Variants in ADD3 observed in about 807,000 individuals in gnomAD.
The protein encoded by ADD3 is gamma-adducin.
A neutral mutation model predicts 80.2 loss-of-function variants in ADD3; 25 were observed. The observed-to-expected ratio is 0.31, with a 90% CI of 0.23 to 0.44. ADD3 has a LOEUF of 0.44. Ranked by LOEUF, ADD3 falls within the 20% of genes least tolerant of loss-of-function variation. The pLI is 1.00. For missense variants in ADD3, 829 were observed against 847.5 expected, an observed-to-expected ratio of 0.98 and a Z score of 0.27; for synonymous variants, 284 against 289.6, an observed-to-expected ratio of 0.98 and a Z score of 0.20.
At chr10:110,130,556 A>G (rs1424105652) in intron 13 of ADD3, 70 bp downstream of exon 13, 1 of 1,540,142 alleles carries the variant, frequency 6.5e-7, no homozygotes, top group Non-Finnish European at 8.8e-7. Context: ...ACGTTGGATG[A>G]TAGAAAGCAG....
intron 11 of ADD3, 78 bp downstream of exon 11, chr10:110,126,023 A>C (rs2134188483): frequency 7.1e-7 from 1 of 1,418,046 alleles, no homozygotes; most frequent in Non-Finnish European, 9.6e-7. Flanking sequence ...GAATCTGGTT[A>C]ATGCCAAACT....
intron 8 of ADD3, 44 bp from the exon 9 acceptor site, chr10:110,122,066 T>G (rs1190337582): frequency 1.3e-6 from 2 of 1,532,102 alleles, no homozygotes; most frequent in African/African-American, 1.4e-5. Flanking sequence ...CTCATTACAG[T>G]CTTTATAGTT....
At chr10:110,123,811 T>TTGG in intron 9 of ADD3, 1 of 552,146 alleles carries the variant, frequency 1.8e-6, no homozygotes, top group South Asian at 2.3e-5. Context: ...CAATATCAGC[T>TTGG]GTTATCAGCT....
In ADD3 at chr10:110,100,648, TAAAAC is replaced by T; in HGVS notation, c.-4_1del. ...AGATAACAAGAGTAATCCACAGACT[TAAAAC>T]ATGAGCTCAGATGCCAGCCAAGGCG... is the stretch of plus-strand genomic sequence containing the variant. On this transcript the variant is annotated 5_prime_UTR_variant, in exon 2 of 15. Transcript: ENST00000356080. 1 of 1,598,004 alleles carries T rather than the reference TAAAAC, an allele frequency of 6.3e-7. No individual in the cohort carries two copies. Among genetic ancestry groups the T allele is most frequent in the Non-Finnish European group, 8.5e-7 (1 of 1,173,654 alleles).
intron 1 of ADD3, among the ~76,000 whole-genome samples, chr10:109,999,648 A>G (rs531475821): frequency 6.6e-6 from 1 of 152,242 alleles, no homozygotes; most frequent in African/African-American, 2.4e-5. Flanking sequence ...TAAATGTAGT[A>G]TAAACTTCAA....
At chr10:110,004,018 T>C (rs925393886), upstream of ADD3, among the ~76,000 whole-genome samples, 2 of 152,288 alleles carry the variant, frequency 1.3e-5, no homozygotes, top group Admixed American at 6.5e-5. Flanking sequence ...GAGACTGTGC[T>C]GAGCACTTTG....
intron 1 of ADD3, among the ~76,000 whole-genome samples, chr10:110,041,156 A>T (rs1009581517): frequency 6.6e-6 from 1 of 152,352 alleles, no homozygotes; most frequent in Admixed American, 6.5e-5. Context: ...AGCAGACCAC[A>T]GCAGGAGATT....
At chr10:110,116,111 G>A in intron 3 of ADD3, 148 bp from the exon 4 acceptor site, 2 of 698,788 alleles carry the variant, frequency 2.9e-6, no homozygotes, top group Admixed American at 3.1e-5. Context: ...AGGAGAATAA[G>A]CTAATAAAAT....
At chr10:110,041,086 A>G (rs1856302816) in intron 1 of ADD3, among the ~76,000 whole-genome samples, 1 of 151,786 alleles carries the variant, frequency 6.6e-6, no homozygotes, top group Non-Finnish European at 1.5e-5. Context: ...CTGTCTTTGG[A>G]AGAATATGTG....
Position 110,069,321 on chromosome 10 carries a change from A to G in ADD3, c.-29-31304A>G, listed in dbSNP as rs561855219. On this transcript the variant is annotated intron_variant, in intron 1 of 14. Coordinates refer to ENST00000356080, the MANE Select transcript of ADD3 (RefSeq NM_016824.5). ...TTGTACTTCAGTGTGGAAGCATCTT[A>G]AACATTAACCCTGTGGCATTTTCTC... 3.9e-5 allele frequency among the ~76,000 whole-genome samples: 6 copies of G among 152,292 alleles called. No homozygotes were observed. In the South Asian group the frequency reaches 1.2e-3, roughly 32 times the overall value.
At chr10:110,132,543 T>C (rs1853163385) in intron 14 of ADD3, 143 bp downstream of exon 14, 3 of 585,364 alleles carry the variant, frequency 5.1e-6, no homozygotes, top group Middle Eastern at 2.6e-4. Context: ...TAATTACATA[T>C]TTTATATCAT....
chr10:110,009,940 A>G (rs773877576), intron 1 of ADD3, among the ~76,000 whole-genome samples: 1 of 152,260 alleles, frequency 6.6e-6, no homozygotes, highest in South Asian at 2.1e-4. Context: ...AGTTGATCAT[A>G]TGACACTTGG....
intron 1 of ADD3, among the ~76,000 whole-genome samples, chr10:110,035,529 T>C (rs1855537766): frequency 6.6e-6 from 1 of 152,212 alleles, no homozygotes; most frequent in African/African-American, 2.4e-5. Flanking sequence ...ACTTGCTGAC[T>C]AAACAGAAAT....
chr10:110,004,233 G>A (rs1255184073), upstream of ADD3, among the ~76,000 whole-genome samples: 3 of 151,504 alleles, frequency 2.0e-5, no homozygotes, highest in African/African-American at 7.3e-5. Context: ...CCTGTAGGAG[G>A]CATTAAAAAA....
chr10:110,040,153 T>C (rs1259857487), intron 1 of ADD3, among the ~76,000 whole-genome samples: 1 of 152,210 alleles, frequency 6.6e-6, no homozygotes, highest in Non-Finnish European at 1.5e-5. Context: ...ACTCATGCTG[T>C]TAGGTAAATC....
intron 2 of ADD3, among the ~76,000 whole-genome samples, chr10:110,101,799 A>T (rs1171144743): frequency 6.6e-6 from 1 of 152,150 alleles, no homozygotes; most frequent in East Asian, 1.9e-4. Flanking sequence ...TTTAAAATGC[A>T]AAATGAATTT....
intron 14 of ADD3, chr10:110,132,627 C>G: frequency 2.1e-6 from 1 of 468,410 alleles, no homozygotes; most frequent in South Asian, 2.6e-5. Context: ...ACCCGCAGTT[C>G]TTAAGAATTT....
intron 1 of ADD3, among the ~76,000 whole-genome samples, chr10:110,046,934 T>C (rs1856973772): frequency 6.6e-6 from 1 of 152,178 alleles, no homozygotes; most frequent in African/African-American, 2.4e-5. Flanking sequence ...AGGTTTGTAT[T>C]GAAGCATTGC....
At chr10:110,014,711 G>A (rs142440424) in intron 1 of ADD3, among the ~76,000 whole-genome samples, 1,614 of 151,860 alleles carry the variant, frequency 0.011, 12 homozygotes, top group Non-Finnish European at 0.017. Context: ...ATTTTTAGTA[G>A]AGATGGGGTT....
Sources: allele counts gnomAD v4.1 joint callset (sites outside exome capture counted in the v4.1 genomes callset), GRCh38; gene constraint gnomAD v4.1.1; transcripts MANE v1.5; gene names NCBI Gene and HGNC (gene_info 2026-07-23, HGNC 2026-07-21).